The following ATP6V1E1 variants were observed in gnomAD, a reference collection of about 807,000 sequenced individuals.
ATP6V1E1 encodes the protein ATPase H+ transporting V1 subunit E1.
In ATP6V1E1, 21 loss-of-function variants were observed where a neutral mutation model predicts 35.2. The observed-to-expected ratio is 0.60, with a 90% CI of 0.42 to 0.86. The LOEUF is 0.86. Ranked by LOEUF, ATP6V1E1 falls within the 40% of genes least tolerant of loss-of-function variation. The pLI, the probability that ATP6V1E1 is intolerant of heterozygous loss-of-function variation, is 0.00. For synonymous variants in ATP6V1E1, 83 were observed against 87.8 expected (o/e 0.95, Z 0.30); for missense variants, 183 against 272.6 (o/e 0.67, Z 2.32).
chr22:17,615,397 C>G (rs189165847), intron 2 of ATP6V1E1, among the ~76,000 whole-genome samples: 272 of 152,276 alleles, frequency 1.8e-3, no homozygotes, highest in African/African-American at 6.3e-3. Context: ...ATAATCCCAG[C>G]ACTTTGGGAG....
chr22:17,609,242 C>A (rs1165492146), intron 4 of ATP6V1E1, among the ~76,000 whole-genome samples: 1 of 150,370 alleles, frequency 6.7e-6, no homozygotes, highest in Non-Finnish European at 1.5e-5. Context: ...CTCATTGCAA[C>A]CTCCGCCTCC....
chr22:17,594,840 A>G (rs2057723170), intron 7 of ATP6V1E1: 1 of 336,448 alleles, frequency 3.0e-6, no homozygotes, highest in Non-Finnish European at 5.4e-6. Flanking sequence ...ACAGCGTAGT[A>G]TTTGCATACA....
In ATP6V1E1 at chr22:17,627,679, G is replaced by A. The variant is rs115401569; in HGVS notation, c.33+924C>T. Reference sequence around the variant, plus strand: ...ACTAAAAAAAATACAAAAATTAGCCGGGCTTGGGGCGCGAGTCTGTAATCC... The same window carrying A: ...ACTAAAAAAAATACAAAAATTAGCCAGGCTTGGGGCGCGAGTCTGTAATCC... On this transcript the variant is annotated intron_variant, in intron 1 of 8. Transcript: ENST00000253413. Among the ~76,000 whole-genome samples, 651 of 150,880 alleles carry A rather than the reference G, an allele frequency of 4.3e-3. 4 individuals carry two copies. Among genetic ancestry groups the A allele is most frequent in the African/African-American group, 0.015 (632 of 41,244 alleles).
At chr22:17,627,082 C>T (rs1223967065) in intron 1 of ATP6V1E1, among the ~76,000 whole-genome samples, 2 of 152,030 alleles carry the variant, frequency 1.3e-5, no homozygotes, top group African/African-American at 2.4e-5. Context: ...CTCCGCCTGC[C>T]GGGTTCAAGC....
chr22:17,614,510 C>G (rs113841115), intron 2 of ATP6V1E1, among the ~76,000 whole-genome samples: 1,774 of 150,492 alleles, frequency 0.012, 14 homozygotes, highest in Middle Eastern at 0.042. Flanking sequence ...TACACACACA[C>G]ACACACAAAA....
intron 1 of ATP6V1E1, among the ~76,000 whole-genome samples, chr22:17,624,697 T>C (rs749687631): frequency 6.6e-6 from 1 of 150,406 alleles, no homozygotes; most frequent in Admixed American, 6.7e-5. Context: ...GACATACGCC[T>C]GTAGTCCCAG....
intron 4 of ATP6V1E1, among the ~76,000 whole-genome samples, chr22:17,606,878 T>C (rs1416733317): frequency 6.6e-6 from 1 of 152,194 alleles, no homozygotes; most frequent in Admixed American, 6.6e-5. Context: ...CCATTTTGAG[T>C]TTGCCGTTCC....
At chr22:17,620,918 C>CT (rs2057873279) in intron 1 of ATP6V1E1, among the ~76,000 whole-genome samples, 1 of 152,092 alleles carries the variant, frequency 6.6e-6, no homozygotes, top group Non-Finnish European at 1.5e-5. Flanking sequence ...AAAAAATTAG[C>CT]CGGCGTGGTG....
chr22:17,600,609 T>C (rs2057757569), intron 5 of ATP6V1E1: 4 of 154,448 alleles, frequency 2.6e-5, no homozygotes, highest in Admixed American at 1.3e-4. Flanking sequence ...CCCAAACCTT[T>C]GGTGATAGAA....
intron 4 of ATP6V1E1, among the ~76,000 whole-genome samples, chr22:17,609,589 C>T (rs9605335): frequency 0.34 from 51,592 of 149,782 alleles, 9,192 homozygotes; most frequent in African/African-American, 0.4. Context: ...CTGCCTCAGC[C>T]TCCCGAGTAG....
At chr22:17,601,603 T>C (rs1367276804) in intron 4 of ATP6V1E1, among the ~76,000 whole-genome samples, 3 of 152,184 alleles carry the variant, frequency 2.0e-5, no homozygotes, top group Non-Finnish European at 2.9e-5. Context: ...ACGAATAATT[T>C]CAATTTTGTT....
chr22:17,618,174 C>A (rs1260010574), intron 2 of ATP6V1E1, among the ~76,000 whole-genome samples: 1 of 152,192 alleles, frequency 6.6e-6, no homozygotes, highest in African/African-American at 2.4e-5. Flanking sequence ...ACACTACAAC[C>A]TTCTCTAGTC....
chr22:17,592,569 T>C lies in ATP6V1E1; in HGVS notation c.*105A>G, dbSNP rs1207554279. ...ATCGCTGATAAATACAGAGCAATACTGGGGCAGTGAAGAGGAAGCTACAGA... is the reference window on the plus strand; with the variant it reads ...ATCGCTGATAAATACAGAGCAATACCGGGGCAGTGAAGAGGAAGCTACAGA... On this transcript the variant is annotated 3_prime_UTR_variant, in exon 9 of 9. Transcript: ENST00000253413. 3.4e-6 allele frequency: 4 copies of C among 1,174,138 alleles called. No individual in the cohort carries two copies. The highest frequency in any genetic ancestry group is 5.1e-6 in the Non-Finnish European group (4 of 785,264). 72.7% of individuals were successfully genotyped at this position (1,174,138 alleles called of 1,614,324 possible). A position where few individuals can be genotyped will look rare whatever the true frequency, so the allele number is the denominator to read the frequency against.
intron 4 of ATP6V1E1, among the ~76,000 whole-genome samples, chr22:17,601,517 AT>A (rs201007184): frequency 2.0e-5 from 3 of 152,058 alleles, no homozygotes; most frequent in African/African-American, 7.2e-5. Flanking sequence ...AGATTACCCC[AT>A]TTTTTTTAAG....
At chr22:17,620,991 G>A (rs142882041) in intron 1 of ATP6V1E1, among the ~76,000 whole-genome samples, 165 of 152,224 alleles carry the variant, frequency 1.1e-3, no homozygotes, top group African/African-American at 3.8e-3. Flanking sequence ...GAACCCGGGA[G>A]GCGAAGCTTG....
At chr22:17,613,013 C>A (rs1162230804) in intron 3 of ATP6V1E1, 135 bp from the exon 4 acceptor site, 1 of 929,208 alleles carries the variant, frequency 1.1e-6, no homozygotes, top group Non-Finnish European at 1.6e-6. Flanking sequence ...AGCCACCTTG[C>A]CCAGCCTGCA....
rs1209165071 is a variant in ATP6V1E1 at position 17,618,770 on chromosome 22, C to A, written c.99+691G>T. Among the ~76,000 whole-genome samples, 11 of 150,432 alleles carry A rather than the reference C, an allele frequency of 7.3e-5. No homozygotes were observed. In the South Asian group the frequency reaches 2.3e-3, roughly 32 times the overall value. On this transcript the variant is annotated intron_variant, in intron 2 of 8. Transcript: ENST00000253413. The stretch of plus-strand genomic sequence containing the variant: ...ATCCCAGCACTTTGGGAGGCCCAAG[C>A]GGGTGGATCATCTGAGGTCAGGAGT...
At chr22:17,625,021 A>T (rs1374646471) in intron 1 of ATP6V1E1, among the ~76,000 whole-genome samples, 1 of 152,172 alleles carries the variant, frequency 6.6e-6, no homozygotes, top group East Asian at 1.9e-4. Flanking sequence ...CTTTTCCTAT[A>T]TTGAAAGAAG....
chr22:17,598,833 A>G (rs190530984), intron 6 of ATP6V1E1, among the ~76,000 whole-genome samples: 13 of 152,300 alleles, frequency 8.5e-5, no homozygotes, highest in Non-Finnish European at 1.9e-4. Flanking sequence ...TATACAGACA[A>G]ACGGATAGAA....
Sources: gnomAD v4.1 joint callset for allele counts (sites outside exome capture counted in the v4.1 genomes callset) on GRCh38, gnomAD v4.1.1 for gene constraint, MANE v1.5 for transcripts, NCBI Gene and HGNC (gene_info 2026-07-23, HGNC 2026-07-21) for gene names.